The following LIPJ variants were observed in gnomAD, a reference collection of about 807,000 sequenced individuals.
LIPJ encodes lipase member J.
A neutral mutation model predicts 39.8 loss-of-function variants in LIPJ; 33 were observed. The observed-to-expected ratio is 0.83, with a 90% CI of 0.63 to 1.11. The LOEUF (loss-of-function observed/expected upper bound fraction) is 1.11. Ranked by LOEUF, LIPJ falls within the 50% of genes least tolerant of loss-of-function variation. The pLI is 0.00. For missense variants in LIPJ, 422 were observed against 427.9 expected, an observed-to-expected ratio of 0.99 and a Z score of 0.12; for synonymous variants, 128 against 139.2, an observed-to-expected ratio of 0.92 and a Z score of 0.57.
rs1345402417 is a variant in LIPJ, at chr10:88,596,262, T to C, written c.440-18T>C. 1.5e-6 allele frequency: 2 copies of C among 1,292,278 alleles called. No homozygotes were observed. The allele number at this position is 1,292,278 out of a possible 1,614,324, so 80.1% of individuals were successfully genotyped here. A position where few individuals can be genotyped will look rare whatever the true frequency, so the allele number is the denominator to read the frequency against. ...TGCTTAAGAATAGCTTACTAATTTA[T>C]ATCTTATTTTATTTTAGGTTTCATA... On this transcript the variant is annotated intron_variant, in intron 6 of 10. Coordinates refer to ENST00000371939, the Ensembl canonical transcript of LIPJ.
intron 8 of LIPJ, among the ~76,000 whole-genome samples, chr10:88,599,352 T>A (rs1054940158): frequency 1.1e-4 from 16 of 152,036 alleles, no homozygotes; most frequent in African/African-American, 3.6e-4. Context: ...TCCTGTACAT[T>A]AAATCCTCAA....
exon 11 of LIPJ, chr10:88,606,860 G>T: frequency 6.3e-7 from 1 of 1,595,936 alleles, no homozygotes; most frequent in South Asian, 1.1e-5. Flanking sequence ...AGATGTCTAT[G>T]ATCAAGTTTA....
chr10:88,591,395 C>T (rs1289655724), exon 4 of LIPJ: 5 of 1,599,680 alleles, frequency 3.1e-6, no homozygotes, highest in African/African-American at 1.4e-5. Flanking sequence ...TTATTTCCTA[C>T]TGGGGCTACC....
chr10:88,620,304 A>C, the LIPJ span, among the ~76,000 whole-genome samples: 1 of 152,208 alleles, frequency 6.6e-6, no homozygotes, highest in South Asian at 2.1e-4. Context: ...GAAGATTAGA[A>C]AAGTTCAAAT....
intron 8 of LIPJ, among the ~76,000 whole-genome samples, chr10:88,599,930 C>T (rs1445238554): frequency 1.3e-5 from 2 of 151,720 alleles, no homozygotes; most frequent in Non-Finnish European, 2.9e-5. Flanking sequence ...TATCATCCTG[C>T]TATATGCTTT....
the LIPJ span, among the ~76,000 whole-genome samples, chr10:88,619,620 G>T: frequency 1.5e-3 from 226 of 150,924 alleles, 1 homozygote; most frequent in African/African-American, 4.7e-3. Flanking sequence ...TTTTTATTGG[G>T]TTTTTTTTTC....
chr10:88,583,136 G>C (rs1850754497), upstream of LIPJ: 4 of 1,614,010 alleles, frequency 2.5e-6, no homozygotes, highest in Middle Eastern at 1.6e-4. Flanking sequence ...CTCCTCAGCA[G>C]CGCAGCGCAC....
intron 4 of LIPJ, chr10:88,592,786 T>C (rs1851123396): frequency 6.6e-6 from 1 of 151,874 alleles, no homozygotes; most frequent in Non-Finnish European, 1.5e-5. Context: ...CCATAACTAG[T>C]ATTCATAAAT....
intron 8 of LIPJ, 142 bp from the exon 9 acceptor site, chr10:88,602,434 T>A: frequency 1.9e-6 from 1 of 533,286 alleles, no homozygotes; most frequent in South Asian, 2.8e-5. Context: ...TTAATTAAAA[T>A]AATTTGATGA....
intron 3 of LIPJ, 100 bp downstream of exon 3, chr10:88,590,796 C>CATCT: frequency 1.3e-6 from 1 of 797,508 alleles, no homozygotes; most frequent in Non-Finnish European, 2.1e-6. Context: ...CAAACGTATA[C>CATCT]ATCTATATGT....
intron 4 of LIPJ, 78 bp from the exon 5 acceptor site, chr10:88,593,868 A>G (rs1851162563): frequency 3.2e-6 from 4 of 1,263,202 alleles, no homozygotes; most frequent in South Asian, 2.8e-5. Context: ...CATGTACTAA[A>G]AGTTTGAATT....
rs544976776 is a variant in LIPJ, at chr10:88,591,177, A to G, written c.10-201A>G. Among the ~76,000 whole-genome samples, 4 of 151,930 alleles carry G rather than the reference A, an allele frequency of 2.6e-5. No individual in the cohort carries two copies. In the East Asian group the frequency reaches 7.7e-4, roughly 29 times the overall value. ...ATTTTATTCTTTCAATCCCTAGTAT[A>G]TAAAACTGCTGCTCAGTAGGTATTT... On this transcript the variant is annotated intron_variant, in intron 3 of 10. Transcript: ENST00000371939.
At chr10:88,607,816 G>A (rs1020169347), downstream of LIPJ, among the ~76,000 whole-genome samples, 15 of 152,212 alleles carry the variant, frequency 9.9e-5, no homozygotes, top group Non-Finnish European at 1.6e-4. Flanking sequence ...CCTGTTTCCA[G>A]TTTATCACAT....
intron 2 of LIPJ, among the ~76,000 whole-genome samples, chr10:88,589,333 T>C (rs1851008258): frequency 6.6e-6 from 1 of 151,890 alleles, no homozygotes; most frequent in African/African-American, 2.4e-5. Flanking sequence ...TTTCCAAGAA[T>C]ACAACCAAAG....
chr10:88,621,135 CG>C, the LIPJ span, among the ~76,000 whole-genome samples: 1 of 152,028 alleles, frequency 6.6e-6, no homozygotes, highest in South Asian at 2.1e-4. Flanking sequence ...CAATTCATAG[CG>C]CCATATGATG....
At chr10:88,601,784 C>T (rs1211182321) in intron 8 of LIPJ, among the ~76,000 whole-genome samples, 1 of 152,028 alleles carries the variant, frequency 6.6e-6, no homozygotes, top group Non-Finnish European at 1.5e-5. Context: ...TACATGATAC[C>T]TCTCTCTTCA....
At chr10:88,608,401 G>A (rs1424936476), downstream of LIPJ, among the ~76,000 whole-genome samples, 2 of 152,204 alleles carry the variant, frequency 1.3e-5, no homozygotes, top group Admixed American at 6.5e-5. Context: ...CAGTTTTGCT[G>A]TGAACCTCAA....
intron 9 of LIPJ, among the ~76,000 whole-genome samples, chr10:88,603,223 G>C (rs76892427): frequency 0.01 from 1,548 of 152,218 alleles, 26 homozygotes; most frequent in African/African-American, 0.035. Context: ...GGATTATTTA[G>C]GCCATGTCCC....
chr10:88,602,095 A>G (rs939952588), intron 8 of LIPJ, among the ~76,000 whole-genome samples: 2 of 151,990 alleles, frequency 1.3e-5, no homozygotes, highest in African/African-American at 4.8e-5. Flanking sequence ...CAGGCCTTAG[A>G]CTTTGATTTT....
Sources: gnomAD v4.1 joint callset for allele counts (sites outside exome capture counted in the v4.1 genomes callset) on GRCh38, gnomAD v4.1.1 for gene constraint, MANE v1.5 for transcripts, NCBI Gene and HGNC (gene_info 2026-07-23, HGNC 2026-07-21) for gene names.